The following SCN2A variants were observed in gnomAD, a reference collection of about 807,000 sequenced individuals.
The protein encoded by SCN2A is sodium voltage-gated channel alpha subunit 2, also known as sodium channel protein type 2 subunit alpha.
SCN2A carries 20 observed loss-of-function variants against 188.7 expected under a neutral mutation model. The ratio of observed to expected loss-of-function variants is 0.11; its 90% CI spans 0.07 to 0.15. SCN2A has a LOEUF of 0.15. SCN2A is among the 10% of genes least tolerant of loss of function. The pLI is 1.00. For missense variants in SCN2A, 1,278 were observed against 2,445.0 expected, an observed-to-expected ratio of 0.52 and a Z score of 10.07; for synonymous variants, 804 against 833.1, an observed-to-expected ratio of 0.97 and a Z score of 0.60.
chr2:165,339,989 A>G (rs1341488158), intron 14 of SCN2A, among the ~76,000 whole-genome samples: 2 of 152,242 alleles, frequency 1.3e-5, no homozygotes, highest in African/African-American at 2.4e-5. Context: ...AATAGATCCA[A>G]ACTACATGTC....
Position 165,260,730 on chromosome 2 carries a change from G to A in SCN2A, c.-52+21090G>A, listed in dbSNP as rs6733358. Among the ~76,000 whole-genome samples, 250 of 152,130 alleles carry A rather than the reference G, an allele frequency of 1.6e-3. 3 individuals are homozygous for A. Among genetic ancestry groups the A allele is most frequent in the African/African-American group, 5.5e-3 (228 of 41,506 alleles). On this transcript the variant is annotated intron_variant, in intron 1 of 26. Transcript: ENST00000375437. ...GCCTGTAATCTCAGCACTTTGGGAG[G>A]CTGAGGCGGGTGCATCGCCTGAGGT...
At chr2:165,327,619 T>C (rs539436380) in intron 13 of SCN2A, 17 of 153,446 alleles carry the variant, frequency 1.1e-4, no homozygotes, top group African/African-American at 3.6e-4. Context: ...ATATGTTAAA[T>C]GTGTTAATTT....
At chr2:165,251,938 AT>A (rs1694113403) in intron 1 of SCN2A, among the ~76,000 whole-genome samples, 1 of 152,102 alleles carries the variant, frequency 6.6e-6, no homozygotes, top group African/African-American at 2.4e-5. Flanking sequence ...TTATGACTAA[AT>A]TTAAAATATA....
intron 1 of SCN2A, chr2:165,285,324 C>G (rs983665171): frequency 6.1e-6 from 1 of 164,046 alleles, no homozygotes; most frequent in African/African-American, 2.4e-5. Context: ...TGGCCTGGAT[C>G]AATGAGTCTC....
Position 165,310,283 on chromosome 2 carries a change from A to C in SCN2A, c.698-40A>C, listed in dbSNP as rs201299948. On this transcript the variant is annotated intron_variant, in intron 6 of 26. Coordinates refer to ENST00000375437, the MANE Select transcript of SCN2A (RefSeq NM_001040142.2). ...ATTTTTGCCGGTAAAATAGCTGTTG[A>C]GTAGTATATTTAAATTCCCCCTTCT... 1.7e-5 allele frequency: 27 copies of C among 1,608,452 alleles called. No homozygotes were observed. The East Asian group carries it at 5.8e-4, about 35-fold the overall frequency.
chr2:165,367,969 C>T (rs1423644952), intron 19 of SCN2A, among the ~76,000 whole-genome samples: 2 of 152,184 alleles, frequency 1.3e-5, no homozygotes, highest in African/African-American at 4.8e-5. Context: ...CCATGGATGG[C>T]TTAAATGTTA....
rs1179099627 is a variant in SCN2A, at chr2:165,389,778, C to G, written c.5972C>G (p.Ser1991Ter). ...PEKEKFEKDK[S>*]EKEDKGKDIR... is the part of the protein sequence containing the mutation. ...AAAGAAAAATTTGAAAAAGACAAAT[C>G]AGAAAAGGAAGACAAAGGGAAAGAT... The change falls in exon 27 of 27, where the codon TCA becomes TGA. Residue 1991 changes from serine to a stop codon, truncating the protein, a stop_gained. Transcript: ENST00000375437. LOFTEE classifies it high-confidence loss of function. The surrounding 1 kb of genome is among the most constrained non-coding windows in gnomAD (Gnocchi z 4.2). 6.2e-7 allele frequency: 1 copy of G among 1,612,454 alleles called. No homozygotes were observed.
chr2:165,317,202 A>G (rs1409631911), intron 11 of SCN2A, among the ~76,000 whole-genome samples: 2 of 151,962 alleles, frequency 1.3e-5, no homozygotes, highest in Admixed American at 6.6e-5. Context: ...TTAACATAGG[A>G]TCTTTAAATA....
At position 165,327,681 on chromosome 2, in the gene SCN2A, A is replaced by G. The variant is rs571303683; in HGVS notation, c.2149+697A>G. ...CAGTAAAATGTGGATGATGATGTTT[A>G]GGCATAAGGTTGTTGAATGGATTAA... On this transcript the variant is annotated intron_variant, in intron 13 of 26. Transcript: ENST00000375437. 2.0e-5 allele frequency: 3 copies of G among 152,766 alleles called. No individual in the cohort carries two copies. In the East Asian group the frequency reaches 5.8e-4, roughly 29 times the overall value. 9.5% of individuals were successfully genotyped at this position (152,766 alleles called of 1,614,324 possible). A position where few individuals can be genotyped will look rare whatever the true frequency, so the allele number is the denominator to read the frequency against.
intron 6 of SCN2A, 106 bp from the exon 7 acceptor site, chr2:165,310,217 A>G (rs543799700): frequency 8.3e-7 from 1 of 1,203,412 alleles, no homozygotes; most frequent in South Asian, 1.2e-5. Context: ...TATTGTTGGC[A>G]TTCTGCATGA....
chr2:165,301,979 T>C (rs1559347396), intron 3 of SCN2A, among the ~76,000 whole-genome samples: 1 of 152,214 alleles, frequency 6.6e-6, no homozygotes, highest in Admixed American at 6.5e-5. Flanking sequence ...GCATTTTGCA[T>C]CCAATAGAAA....
At position 165,391,416 on chromosome 2, in the gene SCN2A, G is replaced by A. The variant is rs902494496; in HGVS notation, c.*1592G>A. Reference sequence around the variant, plus strand: ...TATTTTATTTTTCAGCCTTTTGTACGTAAAATGAGAAATTAAAAGTATCTT... The same window carrying A: ...TATTTTATTTTTCAGCCTTTTGTACATAAAATGAGAAATTAAAAGTATCTT... On this transcript the variant is annotated 3_prime_UTR_variant, in exon 27 of 27. Coordinates refer to ENST00000375437, the MANE Select transcript of SCN2A (RefSeq NM_001040142.2). The A allele has an allele frequency of 8.5e-5, 13 of 152,528 alleles. No homozygotes were observed. Among genetic ancestry groups the A allele is most frequent in the East Asian group, 7.7e-4 (4 of 5,182 alleles). 9.4% of individuals were successfully genotyped at this position (152,528 alleles called of 1,614,324 possible). A position where few individuals can be genotyped will look rare whatever the true frequency, so the allele number is the denominator to read the frequency against.
chr2:165,338,262 T>TTTTA (rs1699108700), intron 14 of SCN2A, among the ~76,000 whole-genome samples: 1 of 42,838 alleles, frequency 2.3e-5, no homozygotes, highest in Non-Finnish European at 5.2e-5. Flanking sequence ...AGATTTGAAC[T>TTTTA]TTTTTTTTTT....
intron 25 of SCN2A, 73 bp from the exon 26 acceptor site, chr2:165,386,672 TC>T: frequency 6.9e-7 from 1 of 1,447,292 alleles, no homozygotes. Flanking sequence ...TTTGTTGCTT[TC>T]TTAAAATCAG....
chr2:165,294,018 A>G (rs1696357437), intron 1 of SCN2A: 1 of 850,066 alleles, frequency 1.2e-6, no homozygotes, highest in African/African-American at 1.9e-5. Context: ...ATTAAAAAAA[A>G]AAAAAAAAAA....
chr2:165,246,498 A>G (rs557503271), intron 1 of SCN2A, among the ~76,000 whole-genome samples: 1 of 152,100 alleles, frequency 6.6e-6, no homozygotes, highest in South Asian at 2.1e-4. Context: ...TACAACTCCA[A>G]TTCATTCCTT....
chr2:165,344,200 A>G (rs1342280953), intron 15 of SCN2A, among the ~76,000 whole-genome samples: 1 of 152,130 alleles, frequency 6.6e-6, no homozygotes, highest in African/African-American at 2.4e-5. Context: ...CAATTTAAAA[A>G]CTGTATAATT....
intron 1 of SCN2A, among the ~76,000 whole-genome samples, chr2:165,281,154 G>A (rs1053871184): frequency 7.9e-5 from 12 of 152,140 alleles, no homozygotes; most frequent in African/African-American, 2.7e-4. Context: ...CCAGGAGGTC[G>A]AGGCTGCAGT....
At chr2:165,241,620 T>G (rs1271992590) in intron 1 of SCN2A, among the ~76,000 whole-genome samples, 2 of 152,162 alleles carry the variant, frequency 1.3e-5, no homozygotes, top group Non-Finnish European at 2.9e-5. Context: ...AAAGAAATAA[T>G]TAGTCAAGGA....
Sources: gnomAD v4.1 joint callset for allele counts (sites outside exome capture counted in the v4.1 genomes callset) on GRCh38, gnomAD v4.1.1 for gene constraint, Gnocchi (gnomAD v3.1) non-coding constraint, MANE v1.5 for transcripts, NCBI Gene and HGNC (gene_info 2026-07-23, HGNC 2026-07-21) for gene names.